Variants in PDE11A observed in about 807,000 individuals in gnomAD.
The protein encoded by PDE11A is phosphodiesterase 11A, also known as dual 3',5'-cyclic-AMP and -GMP phosphodiesterase 11A.
In PDE11A, 100 loss-of-function variants were observed where a neutral mutation model predicts 100.5. The ratio of observed to expected loss-of-function variants is 1.00; its 90% CI spans 0.85 to 1.18. The LOEUF (loss-of-function observed/expected upper bound fraction) is 1.18. Ranked by LOEUF, PDE11A falls within the 50% of genes most tolerant of loss-of-function variation. The probability of loss-of-function intolerance (pLI) is 0.00; values close to 1 mark genes in which losing one functional copy is unlikely to be tolerated. For missense variants in PDE11A, 1,141 were observed against 1,152.6 expected, an observed-to-expected ratio of 0.99 and a Z score of 0.15; for synonymous variants, 381 against 420.8, an observed-to-expected ratio of 0.91 and a Z score of 1.16.
intron 2 of PDE11A, among the ~76,000 whole-genome samples, chr2:177,938,363 C>G (rs2085304291): frequency 6.6e-6 from 1 of 152,188 alleles, no homozygotes; most frequent in Admixed American, 6.5e-5. Context: ...ATCCATCCCT[C>G]TGCTCTGCCA....
chr2:177,944,696 T>C (rs1266605370), intron 2 of PDE11A, among the ~76,000 whole-genome samples: 1 of 152,144 alleles, frequency 6.6e-6, no homozygotes, highest in Non-Finnish European at 1.5e-5. Flanking sequence ...TACCTCGGCT[T>C]CCTCCCTCCT....
intron 15 of PDE11A, among the ~76,000 whole-genome samples, chr2:177,696,457 C>T (rs894450352): frequency 1.3e-5 from 2 of 152,046 alleles, no homozygotes; most frequent in Non-Finnish European, 2.9e-5. Context: ...ACTAACTAAA[C>T]CTTCAGATAT....
chr2:178,042,142 A>G (rs1559051778), intron 1 of PDE11A, among the ~76,000 whole-genome samples: 1 of 152,188 alleles, frequency 6.6e-6, no homozygotes, highest in Non-Finnish European at 1.5e-5. Flanking sequence ...TACCTCATAA[A>G]TAGTTCTTAT....
intron 5 of PDE11A, among the ~76,000 whole-genome samples, chr2:177,874,634 T>G (rs1279438136): frequency 1.3e-5 from 2 of 152,128 alleles, no homozygotes; most frequent in African/African-American, 4.8e-5. Flanking sequence ...TACTGGAAAC[T>G]CTCTCAGTCT....
chr2:177,861,997 G>A lies in PDE11A; in HGVS notation c.1367+13862C>T, dbSNP rs538004780. Among the ~76,000 whole-genome samples, 25 of 151,892 alleles carry A rather than the reference G, an allele frequency of 1.6e-4. No individual in the cohort carries two copies. The South Asian group carries it at 3.1e-3, about 19-fold the overall frequency. On this transcript the variant is annotated intron_variant, in intron 5 of 19. Transcript: ENST00000286063. ...AACACATGGGCATATGTATTCATGCGCTTAGATTAAACAATCACTTCTTAG... is the reference window on the plus strand; with the variant it reads ...AACACATGGGCATATGTATTCATGCACTTAGATTAAACAATCACTTCTTAG...
chr2:177,640,066 A>G (rs1387777855), intron 19 of PDE11A, among the ~76,000 whole-genome samples: 6 of 152,204 alleles, frequency 3.9e-5, no homozygotes, highest in African/African-American at 1.4e-4. Context: ...GTTGAAATCT[A>G]TTTCCAGAGT....
intron 2 of PDE11A, among the ~76,000 whole-genome samples, chr2:178,012,686 T>A (rs898182591): frequency 3.3e-5 from 5 of 152,144 alleles, no homozygotes; most frequent in African/African-American, 1.2e-4. Flanking sequence ...CAGGTACAAG[T>A]CCATTAAGAA....
chr2:177,813,469 A>AT (rs536474349), intron 9 of PDE11A, among the ~76,000 whole-genome samples: 1 of 151,814 alleles, frequency 6.6e-6, no homozygotes, highest in African/African-American at 2.4e-5. Flanking sequence ...TTAAAGCCCT[A>AT]TTTTTTTTAA....
At chr2:177,692,876 T>C (rs1458940635) in intron 15 of PDE11A, among the ~76,000 whole-genome samples, 2 of 152,144 alleles carry the variant, frequency 1.3e-5, no homozygotes, top group African/African-American at 2.4e-5. Flanking sequence ...TTTCCATGAA[T>C]CTCATATATT....
intron 2 of PDE11A, among the ~76,000 whole-genome samples, chr2:177,913,560 T>C (rs939933324): frequency 3.3e-5 from 5 of 152,180 alleles, no homozygotes; most frequent in African/African-American, 9.6e-5. Flanking sequence ...CTGCTAGCAT[T>C]TGTAGTGTGT....
At chr2:177,835,513 C>T (rs993703342) in intron 6 of PDE11A, among the ~76,000 whole-genome samples, 1 of 152,198 alleles carries the variant, frequency 6.6e-6, no homozygotes, top group Non-Finnish European at 1.5e-5. Flanking sequence ...GAGGTGACAG[C>T]GTGCTGGCAG....
At chr2:177,880,455 T>C (rs2084312031) in intron 4 of PDE11A, among the ~76,000 whole-genome samples, 1 of 152,166 alleles carries the variant, frequency 6.6e-6, no homozygotes, top group Non-Finnish European at 1.5e-5. Flanking sequence ...CCAGGAGACA[T>C]TGACACTATC....
intron 5 of PDE11A, among the ~76,000 whole-genome samples, chr2:177,841,514 C>T (rs2105626083): frequency 6.6e-6 from 1 of 152,238 alleles, no homozygotes; most frequent in Admixed American, 6.5e-5. Flanking sequence ...TGCACATCGT[C>T]TTTGTTATTA....
intron 6 of PDE11A, among the ~76,000 whole-genome samples, chr2:177,829,837 C>A (rs773389611): frequency 4.6e-5 from 7 of 152,140 alleles, no homozygotes; most frequent in African/African-American, 7.2e-5. Context: ...CTTGAATAAT[C>A]CTTTCCCTTG....
intron 9 of PDE11A, among the ~76,000 whole-genome samples, chr2:177,800,660 C>A (rs1158914953): frequency 1.3e-5 from 2 of 152,146 alleles, no homozygotes; most frequent in Admixed American, 1.3e-4. Flanking sequence ...TGGTACTGGG[C>A]ACATAATGGT....
intron 19 of PDE11A, among the ~76,000 whole-genome samples, chr2:177,640,849 T>A (rs978965648): frequency 4.6e-5 from 7 of 152,222 alleles, no homozygotes; most frequent in Non-Finnish European, 7.3e-5. Flanking sequence ...ATCATCTATC[T>A]AGCTGTCCTA....
chr2:177,870,831 G>A (rs2084118776), intron 5 of PDE11A, among the ~76,000 whole-genome samples: 1 of 152,170 alleles, frequency 6.6e-6, no homozygotes, highest in African/African-American at 2.4e-5. Flanking sequence ...TGTTTCTGTT[G>A]TTTTTAACTG....
At chr2:177,938,633 G>T (rs2085306844) in intron 2 of PDE11A, among the ~76,000 whole-genome samples, 1 of 151,888 alleles carries the variant, frequency 6.6e-6, no homozygotes, top group Non-Finnish European at 1.5e-5. Context: ...CCCACCTGTG[G>T]CTCAGAATTA....
chr2:177,784,134 T>G (rs573156158), intron 9 of PDE11A, among the ~76,000 whole-genome samples: 1 of 151,134 alleles, frequency 6.6e-6, no homozygotes, highest in African/African-American at 2.4e-5. Flanking sequence ...TAAGGAAGAG[T>G]GCACAGTCTC....
Sources: allele counts gnomAD v4.1 joint callset (sites outside exome capture counted in the v4.1 genomes callset), GRCh38; gene constraint gnomAD v4.1.1; transcripts MANE v1.5; gene names NCBI Gene and HGNC (gene_info 2026-07-23, HGNC 2026-07-21).